Variants in FKBP1A observed in about 807,000 individuals in gnomAD.
FKBP1A encodes peptidyl-prolyl cis-trans isomerase FKBP1A.
FKBP1A carries 5 observed loss-of-function variants against 14.2 expected under a neutral mutation model. That is an observed-to-expected ratio of 0.35 (90% CI 0.18 to 0.74). The LOEUF is 0.74. Ranked by LOEUF, FKBP1A falls within the 30% of genes least tolerant of loss-of-function variation. The pLI is 0.56. For synonymous variants in FKBP1A, 42 were observed against 49.1 expected (o/e 0.86, Z 0.60); for missense variants, 53 against 138.8 (o/e 0.38, Z 3.10).
intron 4 of FKBP1A, chr20:1,371,826 C>T: frequency 8.5e-7 from 1 of 1,178,350 alleles, no homozygotes; most frequent in African/African-American, 1.6e-5. Context: ...CATAGAAAAA[C>T]ATTTAAACAG....
At chr20:1,384,411 T>G (rs972010085) in intron 2 of FKBP1A, among the ~76,000 whole-genome samples, 2 of 152,174 alleles carry the variant, frequency 1.3e-5, no homozygotes, top group African/African-American at 4.8e-5. Flanking sequence ...TTTTAAATGT[T>G]CTCACAATAC....
intron 4 of FKBP1A, 38 bp from the exon 5 acceptor site, chr20:1,370,110 C>CA (rs1426566132): frequency 1.3e-6 from 2 of 1,541,706 alleles, no homozygotes; most frequent in African/African-American, 2.7e-5. Context: ...TCCAGCAACT[C>CA]AGTGTTCTTT....
intron 4 of FKBP1A, chr20:1,371,158 AG>A: frequency 3.0e-6 from 3 of 985,434 alleles, no homozygotes; most frequent in Non-Finnish European, 2.4e-6. Context: ...CTATGGCAGG[AG>A]GGGAGCAAAT....
rs2089432657 is a variant in FKBP1A, at chr20:1,369,495, T to C, written c.*614A>G. The C allele has an allele frequency of 1.4e-5, 1 of 73,624 alleles. No homozygotes were observed. The highest frequency in any genetic ancestry group is 6.9e-5 in the African/African-American group (1 of 14,462). 4.6% of individuals were successfully genotyped at this position (73,624 alleles called of 1,614,324 possible). ...GATCTACTTTCAAAGGCAGAGGGTTTAAGGGGAGGGTGGGTGGGAATGGTG... is the reference window on the plus strand; with the variant it reads ...GATCTACTTTCAAAGGCAGAGGGTTCAAGGGGAGGGTGGGTGGGAATGGTG... On this transcript the variant is annotated 3_prime_UTR_variant, in exon 5 of 5. Coordinates refer to ENST00000400137, the MANE Select transcript of FKBP1A (RefSeq NM_000801.5).
At chr20:1,392,597 G>T (rs1169583191) in intron 2 of FKBP1A, among the ~76,000 whole-genome samples, 1 of 152,136 alleles carries the variant, frequency 6.6e-6, no homozygotes, top group African/African-American at 2.4e-5. Flanking sequence ...GCTTCTGACG[G>T]GTCAGATAAC....
At chr20:1,381,362 C>T (rs573596776) in intron 2 of FKBP1A, among the ~76,000 whole-genome samples, 4 of 152,232 alleles carry the variant, frequency 2.6e-5, no homozygotes, top group Admixed American at 6.5e-5. Context: ...ATTATAACAA[C>T]GCAAATTAAA....
intron 2 of FKBP1A, chr20:1,376,649 G>A (rs1401720891): frequency 6.6e-6 from 1 of 152,146 alleles, no homozygotes; most frequent in Non-Finnish European, 1.5e-5. Context: ...CCATTTCACA[G>A]ATGAAGAAAC....
Position 1,392,982 on chromosome 20 carries a change from TC to T in FKBP1A, c.16del (p.Glu6LysfsTer46). The T allele has an allele frequency of 6.7e-7, 1 of 1,487,616 alleles. No individual in the cohort carries two copies. Among genetic ancestry groups the T allele is most frequent in the Non-Finnish European group, 8.9e-7 (1 of 1,125,296 alleles). The allele number at this position is 1,487,616 out of a possible 1,614,324, so 92.2% of individuals were successfully genotyped here. A position where few individuals can be genotyped will look rare whatever the true frequency, so the allele number is the denominator to read the frequency against. On this transcript the variant is annotated frameshift_variant, in exon 1 of 5. Transcript: ENST00000400137. LOFTEE classifies it high-confidence loss of function. MGVQVETISPGDGRTF... is the reference protein window; with the variant it reads MGVQVXTISPGDGRTF... ...CTCACCGTCTCCTGGGGAGATGGTT[TC>T]CACCTGCACTCCCATGGCGGCGGCG...
At chr20:1,375,095 C>G (rs2089522618) in intron 3 of FKBP1A, among the ~76,000 whole-genome samples, 1 of 152,256 alleles carries the variant, frequency 6.6e-6, no homozygotes, top group South Asian at 2.1e-4. Context: ...TCTTGGCCTC[C>G]CAAAGTGCTG....
intron 2 of FKBP1A, among the ~76,000 whole-genome samples, chr20:1,392,401 T>C (rs1422304108): frequency 3.9e-5 from 6 of 152,086 alleles, no homozygotes; most frequent in African/African-American, 1.4e-4. Context: ...AAGGGAGGGA[T>C]GGAAGTGGGG....
At chr20:1,382,009 G>A (rs1346252385) in intron 2 of FKBP1A, among the ~76,000 whole-genome samples, 10 of 152,158 alleles carry the variant, frequency 6.6e-5, no homozygotes, top group Admixed American at 1.3e-4. Context: ...TTTCAATCAC[G>A]CCTCAGTAAC....
intron 2 of FKBP1A, among the ~76,000 whole-genome samples, chr20:1,380,195 T>C (rs768802616): frequency 1.3e-5 from 2 of 151,902 alleles, no homozygotes; most frequent in Non-Finnish European, 2.9e-5. Context: ...TCCTGAGACA[T>C]GGGAAACAAG....
chr20:1,370,470 T>C (rs1245330951), intron 4 of FKBP1A: 3 of 974,936 alleles, frequency 3.1e-6, no homozygotes, highest in Non-Finnish European at 3.7e-6. Flanking sequence ...TTAACTGGTT[T>C]AGGGTTTGAC....
chr20:1,381,804 AAAG>A (rs1185965757), intron 2 of FKBP1A, among the ~76,000 whole-genome samples: 1 of 152,240 alleles, frequency 6.6e-6, no homozygotes, highest in Non-Finnish European at 1.5e-5. Context: ...ATACCAAGTG[AAAG>A]AAGGCAGACA....
intron 2 of FKBP1A, among the ~76,000 whole-genome samples, chr20:1,391,325 G>A (rs2089733485): frequency 6.6e-6 from 1 of 152,142 alleles, no homozygotes; most frequent in Non-Finnish European, 1.5e-5. Flanking sequence ...TCCTTCCGAT[G>A]ACAAATCACC....
At position 1,391,218 on chromosome 20, in the gene FKBP1A, G is replaced by A. The variant is rs557979487; in HGVS notation, c.85+1616C>T. Among the ~76,000 whole-genome samples, 3 of 152,172 alleles carry A rather than the reference G, an allele frequency of 2.0e-5. No homozygotes were observed. In the East Asian group the frequency reaches 5.8e-4, roughly 29 times the overall value. On this transcript the variant is annotated intron_variant, in intron 2 of 4. Coordinates refer to ENST00000400137, the MANE Select transcript of FKBP1A (RefSeq NM_000801.5). ...TGGGGAGGGGGTGCGGCAGAAGGCAGCTCCTCACGGCTTGAGTCCCAATCT... is the reference window on the plus strand; with the variant it reads ...TGGGGAGGGGGTGCGGCAGAAGGCAACTCCTCACGGCTTGAGTCCCAATCT...
chr20:1,384,077 T>C (rs2089645723), intron 2 of FKBP1A, among the ~76,000 whole-genome samples: 2 of 152,162 alleles, frequency 1.3e-5, no homozygotes, highest in East Asian at 1.9e-4. Flanking sequence ...TACCCCAGCA[T>C]AGTGAAGAGC....
At chr20:1,387,226 A>T (rs1256244667) in intron 2 of FKBP1A, among the ~76,000 whole-genome samples, 1 of 152,234 alleles carries the variant, frequency 6.6e-6, no homozygotes, top group Non-Finnish European at 1.5e-5. Flanking sequence ...TACCAAGAAA[A>T]AAAAAGGTCA....
chr20:1,370,591 TATTC>T (rs772611152), intron 4 of FKBP1A: 8 of 985,304 alleles, frequency 8.1e-6, no homozygotes, highest in Non-Finnish European at 8.4e-6. Flanking sequence ...ATATCTCCAG[TATTC>T]ATTCATTCAC....
Sources: allele counts gnomAD v4.1 joint callset (sites outside exome capture counted in the v4.1 genomes callset), GRCh38; gene constraint gnomAD v4.1.1; transcripts MANE v1.5; gene names NCBI Gene and HGNC (gene_info 2026-07-23, HGNC 2026-07-21).